Variants in KCNQ3 observed in about 807,000 individuals in gnomAD.
KCNQ3 encodes potassium voltage-gated channel subfamily Q member 3.
Under a neutral mutation model 92.5 loss-of-function variants are expected in KCNQ3, and 30 were observed. The observed-to-expected ratio is 0.32, with a 90% CI of 0.24 to 0.44. The LOEUF is 0.44. KCNQ3 is among the 20% of genes least tolerant of loss of function. The pLI, the probability that KCNQ3 is intolerant of heterozygous loss-of-function variation, is 1.00. For missense variants in KCNQ3, 913 were observed against 1,140.3 expected, an observed-to-expected ratio of 0.80 and a Z score of 2.87; for synonymous variants, 450 against 468.8, an observed-to-expected ratio of 0.96 and a Z score of 0.52.
intron 1 of KCNQ3, among the ~76,000 whole-genome samples, chr8:132,351,990 T>C (rs1586949527): frequency 6.6e-6 from 1 of 152,072 alleles, no homozygotes; most frequent in East Asian, 1.9e-4. Context: ...AGGCTTAGAG[T>C]CGGCATTATA....
At chr8:132,460,229 C>G (rs953557366) in intron 1 of KCNQ3, among the ~76,000 whole-genome samples, 2 of 152,118 alleles carry the variant, frequency 1.3e-5, no homozygotes, top group African/African-American at 4.8e-5. Context: ...TCACTGCAAT[C>G]AGGATTTGAC....
intron 1 of KCNQ3, among the ~76,000 whole-genome samples, chr8:132,420,323 C>T (rs776942717): frequency 2.6e-5 from 4 of 152,158 alleles, no homozygotes; most frequent in Non-Finnish European, 5.9e-5. Flanking sequence ...AGGTTGCCCA[C>T]CCAAGGGAAG....
At chr8:132,380,649 C>T (rs1460443119) in intron 1 of KCNQ3, among the ~76,000 whole-genome samples, 1 of 152,100 alleles carries the variant, frequency 6.6e-6, no homozygotes, top group African/African-American at 2.4e-5. Context: ...ATTCACCAGA[C>T]TTACCTTCTG....
intron 3 of KCNQ3, among the ~76,000 whole-genome samples, chr8:132,183,510 C>T (rs1458661470): frequency 1.3e-5 from 2 of 149,804 alleles, no homozygotes; most frequent in African/African-American, 4.8e-5. Flanking sequence ...TAATTCCAAC[C>T]TTCCCATGGA....
At chr8:132,359,557 G>C (rs1402743991) in intron 1 of KCNQ3, among the ~76,000 whole-genome samples, 1 of 152,148 alleles carries the variant, frequency 6.6e-6, no homozygotes, top group Non-Finnish European at 1.5e-5. Context: ...GCATCAGAAA[G>C]AGGGCTGGGT....
chr8:132,336,860 T>A (rs780381346), intron 1 of KCNQ3, among the ~76,000 whole-genome samples: 1 of 152,162 alleles, frequency 6.6e-6, no homozygotes, highest in Admixed American at 6.5e-5. Context: ...GGCCCTCTTA[T>A]AGGATTGTTC....
intron 9 of KCNQ3, among the ~76,000 whole-genome samples, chr8:132,156,059 T>A (rs1182119247): frequency 6.6e-6 from 1 of 152,114 alleles, no homozygotes; most frequent in Non-Finnish European, 1.5e-5. Flanking sequence ...CAGCTGGTAC[T>A]CCAATGACAC....
chr8:132,261,174 T>C (rs1350521377), intron 1 of KCNQ3, among the ~76,000 whole-genome samples: 3 of 152,198 alleles, frequency 2.0e-5, no homozygotes, highest in Admixed American at 1.3e-4. Flanking sequence ...CTATCTGGCA[T>C]TGAGAAAAGT....
chr8:132,378,148 C>G (rs748967953), intron 1 of KCNQ3, among the ~76,000 whole-genome samples: 1 of 152,114 alleles, frequency 6.6e-6, no homozygotes, highest in East Asian at 1.9e-4. Context: ...AATCCCAGCA[C>G]TTTGGGAGGC....
At chr8:132,234,128 A>C (rs1471700778) in intron 1 of KCNQ3, among the ~76,000 whole-genome samples, 1 of 152,164 alleles carries the variant, frequency 6.6e-6, no homozygotes, top group Non-Finnish European at 1.5e-5. Flanking sequence ...AATCGAGCCT[A>C]CATAGCTCAA....
chr8:132,447,073 G>A (rs930797374), intron 1 of KCNQ3: 9 of 776,116 alleles, frequency 1.2e-5, no homozygotes, highest in Non-Finnish European at 1.7e-5. Flanking sequence ...GGAACCCAGG[G>A]TGAGTCACAT....
At chr8:132,475,292 A>T (rs1215073952) in intron 1 of KCNQ3, among the ~76,000 whole-genome samples, 1 of 152,182 alleles carries the variant, frequency 6.6e-6, no homozygotes, top group Non-Finnish European at 1.5e-5. Flanking sequence ...TATGGAAGAG[A>T]CTTTGGAACT....
intron 7 of KCNQ3, among the ~76,000 whole-genome samples, chr8:132,171,098 T>C (rs1826330061): frequency 6.6e-6 from 1 of 152,156 alleles, no homozygotes; most frequent in African/African-American, 2.4e-5. Flanking sequence ...CTGAGACTTC[T>C]CAGTCAAATA....
At chr8:132,328,317 G>T (rs1057234020) in intron 1 of KCNQ3, among the ~76,000 whole-genome samples, 1 of 152,150 alleles carries the variant, frequency 6.6e-6, no homozygotes, top group African/African-American at 2.4e-5. Context: ...TCATAGTCAT[G>T]CTGCCTAAGA....
At chr8:132,291,218 T>C (rs543942961) in intron 1 of KCNQ3, among the ~76,000 whole-genome samples, 4 of 152,316 alleles carry the variant, frequency 2.6e-5, no homozygotes, top group African/African-American at 9.6e-5. Context: ...TGTTAACACC[T>C]AGTGGCTGAA....
At chr8:132,335,508 A>C (rs375391315) in intron 1 of KCNQ3, among the ~76,000 whole-genome samples, 5 of 152,146 alleles carry the variant, frequency 3.3e-5, no homozygotes, top group African/African-American at 1.2e-4. Context: ...ATAACCGCCC[A>C]GCTACTCACC....
At chr8:132,435,636 A>T (rs1464161703) in intron 1 of KCNQ3, among the ~76,000 whole-genome samples, 1 of 152,200 alleles carries the variant, frequency 6.6e-6, no homozygotes, top group Non-Finnish European at 1.5e-5. Context: ...AGTGAACAGG[A>T]GCTCAAGGAA....
In KCNQ3 at chr8:132,149,153, T is replaced by TAGAG. The variant is rs1344677097; in HGVS notation, c.1263-7826_1263-7823dup. 3.3e-5 allele frequency among the ~76,000 whole-genome samples: 5 copies of TAGAG among 152,242 alleles called. No homozygotes were observed. The East Asian group carries it at 9.6e-4, about 29-fold the overall frequency. On this transcript the variant is annotated intron_variant, in intron 9 of 14. Coordinates refer to ENST00000388996, the MANE Select transcript of KCNQ3 (RefSeq NM_004519.4). ...AGCTGATCTAACCAATTGACATTTC[T>TAGAG]AGAGATTTTTCATATAGAATTGATA...
chr8:132,452,383 T>C (rs1821841659), intron 1 of KCNQ3, among the ~76,000 whole-genome samples: 1 of 152,218 alleles, frequency 6.6e-6, no homozygotes, highest in African/African-American at 2.4e-5. Context: ...CTTAGCCTCA[T>C]GTCCTCAGGG....
Sources: gnomAD v4.1 joint callset for allele counts (sites outside exome capture counted in the v4.1 genomes callset) on GRCh38, gnomAD v4.1.1 for gene constraint, MANE v1.5 for transcripts, NCBI Gene and HGNC (gene_info 2026-07-23, HGNC 2026-07-21) for gene names.